The following USP42 variants were observed in gnomAD, a reference collection of about 807,000 sequenced individuals.
The protein encoded by USP42 is ubiquitin specific peptidase 42.
In USP42, 23 loss-of-function variants were observed where a neutral mutation model predicts 113.0. That is an observed-to-expected ratio of 0.20 (90% CI 0.15 to 0.29). The LOEUF is 0.29. USP42 is among the 10% of genes least tolerant of loss of function. The pLI is 1.00. For synonymous variants in USP42, 933 were observed against 699.0 expected, an observed-to-expected ratio of 1.33 and a Z score of -5.28; for missense variants, 2,174 against 1,779.8, an observed-to-expected ratio of 1.22 and a Z score of -3.99.
At chr7:6,123,320 C>G (rs1476709941) in intron 3 of USP42, among the ~76,000 whole-genome samples, 1 of 151,876 alleles carries the variant, frequency 6.6e-6, no homozygotes, top group East Asian at 1.9e-4. Context: ...GCTAGGAGTT[C>G]TAGACCAGCC....
intron 12 of USP42, 40 bp from the exon 13 acceptor site, chr7:6,149,543 T>C: frequency 6.4e-7 from 1 of 1,564,404 alleles, no homozygotes; most frequent in Non-Finnish European, 8.7e-7. Context: ...TGTGACCATG[T>C]TTCTGGAGCT....
In USP42 at chr7:6,153,988, G is replaced by A; in HGVS notation, c.2434G>A (p.Asp812Asn). The part of the protein sequence containing the change: ...PPSAGEDIVG[D>N]TAPPDLCDPG... The stretch of plus-strand genomic sequence containing the variant: ...CAGCGCCGGCGAGGACATCGTGGGG[G>A]ACACAGCACCCCCTGACCTGTGTGA... Residue 812 changes from aspartate to asparagine, a missense_variant, in exon 15 of 18, where the codon GAC becomes AAC. Transcript: ENST00000306177. 3.8e-6 allele frequency: 6 copies of A among 1,599,250 alleles called. No homozygotes were observed. The highest frequency in any genetic ancestry group is 2.2e-5 in the East Asian group (1 of 44,670).
chr7:6,156,814 AAAAAAGAAGAAG>A lies in USP42; in HGVS notation c.3713_3724del (p.Lys1238_Lys1241del). 6.2e-7 allele frequency: 1 copy of A among 1,607,304 alleles called. No individual in the cohort carries two copies. The highest frequency in any genetic ancestry group is 8.5e-7 in the Non-Finnish European group (1 of 1,177,990). ...CTGACGCTGACCTCCACAGACACAA[AAAAAAGAAGAAG>A]AAAAAGAAGAGACATTCAAGAAAAT... On this transcript the variant is annotated inframe_deletion, in exon 16 of 18. Coordinates refer to ENST00000306177, the MANE Select transcript of USP42 (RefSeq NM_032172.3).
intron 12 of USP42, among the ~76,000 whole-genome samples, chr7:6,148,848 C>T (rs1397906898): frequency 6.6e-6 from 1 of 152,192 alleles, no homozygotes; most frequent in Admixed American, 6.5e-5. Context: ...GGGCTCTGCT[C>T]CAGAGTGACA....
Position 6,144,076 on chromosome 7 carries a change from T to C in USP42, c.879-9T>C, listed in dbSNP as rs1781576335. The C allele has an allele frequency of 6.6e-7, 1 of 1,522,884 alleles. No individual in the cohort carries two copies. Among genetic ancestry groups the C allele is most frequent in the Non-Finnish European group, 8.8e-7 (1 of 1,136,986 alleles). The allele number at this position is 1,522,884 out of a possible 1,614,324, so 94.3% of individuals were successfully genotyped here. On this transcript the variant is annotated splice_polypyrimidine_tract_variant and intron_variant, in intron 8 of 17. Transcript: ENST00000306177. ...GTCTTCTTATACTTTTGTTTCTGTT[T>C]GTTTCAAGGTGTAAAAAGATGGTTC...
At chr7:6,135,758 G>A in intron 3 of USP42, 83 bp from the exon 4 acceptor site, 1 of 584,120 alleles carries the variant, frequency 1.7e-6, no homozygotes, top group Non-Finnish European at 2.8e-6. Context: ...CATTTCAGGT[G>A]TGTGCCCCTG....
At chr7:6,084,213 G>C in the USP42 span, among the ~76,000 whole-genome samples, 2 of 151,074 alleles carry the variant, frequency 1.3e-5, no homozygotes, top group South Asian at 4.2e-4. Context: ...TTTTAGTAGA[G>C]ACAGGGTTTC....
chr7:6,091,978 T>TTTCTTCTTCTTC, the USP42 span, among the ~76,000 whole-genome samples: 39 of 67,924 alleles, frequency 5.7e-4, 3 homozygotes, highest in East Asian at 3.4e-3. Context: ...GGACGTATTT[T>TTTCTTCTTCTTC]TTCTTCTTCT....
upstream of USP42, among the ~76,000 whole-genome samples, chr7:6,104,350 G>A (rs1232384734): frequency 6.6e-6 from 1 of 152,132 alleles, no homozygotes; most frequent in Non-Finnish European, 1.5e-5. Flanking sequence ...CCAGAATGCT[G>A]GGATTAAGGC....
intron 3 of USP42, among the ~76,000 whole-genome samples, chr7:6,119,585 T>C (rs1780098683): frequency 6.6e-6 from 1 of 152,248 alleles, no homozygotes; most frequent in Non-Finnish European, 1.5e-5. Context: ...GGTATTTTGA[T>C]TGGGACTGTG....
chr7:6,122,854 A>G (rs1163091647), intron 3 of USP42, among the ~76,000 whole-genome samples: 2 of 150,364 alleles, frequency 1.3e-5, no homozygotes, highest in Admixed American at 1.3e-4. Flanking sequence ...GTTGTCTTGA[A>G]CTGCTGGCGC....
At chr7:6,110,071 C>T (rs536362963) in intron 1 of USP42, among the ~76,000 whole-genome samples, 52 of 151,938 alleles carry the variant, frequency 3.4e-4, no homozygotes, top group Middle Eastern at 3.4e-3. Context: ...TGACCTCAAG[C>T]GATCTGCCCA....
chr7:6,133,669 G>T (rs1051487762), intron 3 of USP42, among the ~76,000 whole-genome samples: 1 of 151,890 alleles, frequency 6.6e-6, no homozygotes, highest in Non-Finnish European at 1.5e-5. Context: ...ACAAGCACGT[G>T]CCACCACACC....
intron 1 of USP42, among the ~76,000 whole-genome samples, chr7:6,108,520 C>T (rs539679751): frequency 6.6e-6 from 1 of 152,206 alleles, no homozygotes; most frequent in Admixed American, 6.5e-5. Flanking sequence ...CTCGCTCTGT[C>T]GCCAGGCTGG....
At chr7:6,137,156 G>A (rs10226743) in intron 4 of USP42, among the ~76,000 whole-genome samples, 1 of 152,040 alleles carries the variant, frequency 6.6e-6, no homozygotes, top group Non-Finnish European at 1.5e-5. Flanking sequence ...ATCTAACTGG[G>A]TAATTATAGG....
intron 4 of USP42, among the ~76,000 whole-genome samples, chr7:6,136,312 A>G (rs1306954726): frequency 6.6e-6 from 1 of 152,012 alleles, no homozygotes; most frequent in East Asian, 1.9e-4. Context: ...CCTATTACCT[A>G]GTTATTCTTA....
chr7:6,098,185 G>A, the USP42 span, among the ~76,000 whole-genome samples: 4 of 150,010 alleles, frequency 2.7e-5, 1 homozygote, highest in African/African-American at 5.0e-5. Context: ...TTACAGGCGT[G>A]AGCCACCGCG....
At chr7:6,105,360 C>T (rs927157004) in intron 1 of USP42, among the ~76,000 whole-genome samples, 4 of 148,932 alleles carry the variant, frequency 2.7e-5, no homozygotes, top group Non-Finnish European at 6.0e-5. Flanking sequence ...CCCACCCGGC[C>T]CCAGCCCGCC....
At chr7:6,113,612 T>C (rs543099538) in intron 2 of USP42, among the ~76,000 whole-genome samples, 78 of 152,110 alleles carry the variant, frequency 5.1e-4, no homozygotes, top group Non-Finnish European at 8.2e-4. Flanking sequence ...CTTTTGGTTT[T>C]TTTTGTTTTT....
Sources: gnomAD v4.1 joint callset for allele counts (sites outside exome capture counted in the v4.1 genomes callset) on GRCh38, gnomAD v4.1.1 for gene constraint, MANE v1.5 for transcripts, NCBI Gene and HGNC (gene_info 2026-07-23, HGNC 2026-07-21) for gene names.